BAIAP2L1: variants seen among roughly 807,000 people sequenced by gnomAD.
BAIAP2L1 encodes the protein BAR/IMD domain containing adaptor protein 2 like 1, also known as BAR/IMD domain-containing adapter protein 2-like 1.
Under a neutral mutation model 66.3 loss-of-function variants are expected in BAIAP2L1, and 35 were observed. That is an observed-to-expected ratio of 0.53 (90% CI 0.40 to 0.70). The LOEUF is 0.70. Ranked by LOEUF, BAIAP2L1 falls within the 30% of genes least tolerant of loss-of-function variation. The probability of loss-of-function intolerance (pLI) is 0.00; values close to 1 mark genes in which losing one functional copy is unlikely to be tolerated. For synonymous variants in BAIAP2L1, 269 were observed against 248.7 expected (o/e 1.08, Z -0.77); for missense variants, 622 against 656.9 (o/e 0.95, Z 0.58).
rs370196740 is a variant in BAIAP2L1 at position 98,343,354 on chromosome 7, C to T, written c.214+11688G>A. ...TAGTCCCAGCTACTTGGGAGGCTGA[C>T]GTGGGAGAATTGCTTGAGCCCAGGA... On this transcript the variant is annotated intron_variant, in intron 3 of 13. Transcript: ENST00000005260. Among the ~76,000 whole-genome samples the T allele has an allele frequency of 5.2e-4, 79 of 151,576 alleles. No individual in the cohort carries two copies. The South Asian group carries it at 0.015, about 30-fold the overall frequency.
At position 98,380,625 on chromosome 7, in the gene BAIAP2L1, G is replaced by A. The variant is rs369915340; in HGVS notation, c.52-18193C>T. On this transcript the variant is annotated intron_variant, in intron 1 of 13. Coordinates refer to ENST00000005260, the MANE Select transcript of BAIAP2L1 (RefSeq NM_018842.5). ...AATGAGATTCGGGTGGGGACACAGA[G>A]CCAAACCATATCACCCAGGCTGGTT... is the stretch of plus-strand genomic sequence containing the variant. Among the ~76,000 whole-genome samples, 198 of 151,070 alleles carry A rather than the reference G, an allele frequency of 1.3e-3. 1 individual carries two copies. The highest frequency in any genetic ancestry group is 4.4e-3 in the African/African-American group (180 of 41,140).
rs1034055975 is a variant in BAIAP2L1 at position 98,369,668 on chromosome 7, T to C, written c.52-7236A>G. The stretch of plus-strand genomic sequence containing the variant: ...AAGTCTCATTTGATTTCCTAATTTT[T>C]TTTTTTTTTTTTTTTTTTTTTGAGC... On this transcript the variant is annotated intron_variant, in intron 1 of 13. Coordinates refer to ENST00000005260, the MANE Select transcript of BAIAP2L1 (RefSeq NM_018842.5). Among the ~76,000 whole-genome samples the C allele has an allele frequency of 9.6e-3, 1,231 of 128,842 alleles. 57 individuals are homozygous for C. The highest frequency in any genetic ancestry group is 0.03 in the African/African-American group (1,083 of 35,756). 84.5% of individuals were successfully genotyped at this position (128,842 alleles called of 152,430 possible). A position where few individuals can be genotyped will look rare whatever the true frequency, so the allele number is the denominator to read the frequency against.
chr7:98,325,854 T>G (rs1801370025), intron 3 of BAIAP2L1, among the ~76,000 whole-genome samples: 1 of 152,030 alleles, frequency 6.6e-6, no homozygotes, highest in Non-Finnish European at 1.5e-5. Context: ...AAGATTAGAG[T>G]CACCACACTG....
rs747137198 is a variant in BAIAP2L1, at chr7:98,304,221, G to A, written c.1397C>T (p.Ala466Val). 12 of 1,608,646 alleles carry A rather than the reference G, an allele frequency of 7.5e-6. No individual in the cohort carries two copies. Among genetic ancestry groups the A allele is most frequent in the Non-Finnish European group, 9.3e-6 (11 of 1,177,242 alleles). Residue 466 changes from alanine to valine, a missense_variant, in exon 12 of 14, where the codon GCG becomes GTG. Coordinates refer to ENST00000005260, the MANE Select transcript of BAIAP2L1 (RefSeq NM_018842.5). ...ARTTSTFKAP[A>V]SKPETAAPND... The stretch of plus-strand genomic sequence containing the variant: ...AGGAGCCGCGGTCTCGGGCTTGGAC[G>A]CTGGGGCCTTAAAGGTGGATGTCGT...
chr7:98,396,671 C>T (rs1803216211), intron 1 of BAIAP2L1, among the ~76,000 whole-genome samples: 1 of 152,042 alleles, frequency 6.6e-6, no homozygotes, highest in Non-Finnish European at 1.5e-5. Flanking sequence ...GGCTGTAGTC[C>T]CAGCTACTCG....
intron 5 of BAIAP2L1, among the ~76,000 whole-genome samples, chr7:98,318,979 T>G (rs563957170): frequency 6.6e-6 from 1 of 151,940 alleles, no homozygotes; most frequent in Non-Finnish European, 1.5e-5. Flanking sequence ...TGTCTATGTT[T>G]TGGAGTTTCT....
intron 9 of BAIAP2L1, chr7:98,309,714 C>T (rs1261094340): frequency 6.6e-6 from 1 of 152,340 alleles, no homozygotes; most frequent in Non-Finnish European, 1.5e-5. Flanking sequence ...CTGCCGCAAC[C>T]TTCACACCAT....
intron 8 of BAIAP2L1, among the ~76,000 whole-genome samples, chr7:98,311,782 A>T (rs1280509546): frequency 1.3e-5 from 2 of 151,904 alleles, no homozygotes; most frequent in Admixed American, 6.6e-5. Context: ...GGTGCGCCCC[A>T]GTAATCCCAG....
intron 1 of BAIAP2L1, among the ~76,000 whole-genome samples, chr7:98,396,880 A>G (rs937514949): frequency 2.6e-5 from 4 of 152,240 alleles, no homozygotes; most frequent in Admixed American, 2.6e-4. Flanking sequence ...TATGAAAAGT[A>G]TCATCGGAGG....
At chr7:98,334,238 G>A (rs1801563118) in intron 3 of BAIAP2L1, among the ~76,000 whole-genome samples, 1 of 152,142 alleles carries the variant, frequency 6.6e-6, no homozygotes, top group African/African-American at 2.4e-5. Context: ...TAACAGCCCT[G>A]CCTTCGAGTT....
chr7:98,396,450 G>A (rs909738039), intron 1 of BAIAP2L1, among the ~76,000 whole-genome samples: 16 of 152,174 alleles, frequency 1.1e-4, no homozygotes, highest in African/African-American at 3.9e-4. Flanking sequence ...TGACACCTTA[G>A]ATCGCCACAT....
chr7:98,321,770 G>T (rs1050985107), intron 3 of BAIAP2L1, among the ~76,000 whole-genome samples: 1 of 152,072 alleles, frequency 6.6e-6, no homozygotes, highest in Admixed American at 6.6e-5. Flanking sequence ...AAGATGTGCC[G>T]GCGGACCATC....
intron 1 of BAIAP2L1, among the ~76,000 whole-genome samples, chr7:98,366,923 G>A (rs1221614839): frequency 6.6e-6 from 1 of 151,914 alleles, no homozygotes; most frequent in African/African-American, 2.4e-5. Flanking sequence ...ACAGGGTTTT[G>A]ATCTGTCACA....
In BAIAP2L1 at chr7:98,292,824, G is replaced by A; in HGVS notation, c.*697C>T. On this transcript the variant is annotated 3_prime_UTR_variant, in exon 14 of 14. Transcript: ENST00000005260. ...CAGGCCTGTGTCCTGGATGGGCCGT[G>A]TGCAGCGAATCCGTTGGCGACTCCT... 2.0e-6 allele frequency: 3 copies of A among 1,486,498 alleles called. No homozygotes were observed. Among genetic ancestry groups the A allele is most frequent in the South Asian group, 2.7e-5 (2 of 74,172 alleles). The allele number at this position is 1,486,498 out of a possible 1,614,324, so 92.1% of individuals were successfully genotyped here. A position where few individuals can be genotyped will look rare whatever the true frequency, so the allele number is the denominator to read the frequency against.
chr7:98,344,733 G>C (rs1584472549), intron 3 of BAIAP2L1, among the ~76,000 whole-genome samples: 1 of 152,310 alleles, frequency 6.6e-6, no homozygotes, highest in Admixed American at 6.5e-5. Flanking sequence ...TCAGGAGTTT[G>C]AGACCAGCCT....
chr7:98,384,156 G>GAAAAAA (rs76408692), intron 1 of BAIAP2L1, among the ~76,000 whole-genome samples: 1 of 112,412 alleles, frequency 8.9e-6, no homozygotes, highest in African/African-American at 3.9e-5. Context: ...CTCCGTCTCA[G>GAAAAAA]AAAAAAAAAA....
rs751452701 is a variant in BAIAP2L1 at position 98,292,792 on chromosome 7, C to T, written c.*729G>A. 8.0e-5 allele frequency: 123 copies of T among 1,541,060 alleles called. No homozygotes were observed. The highest frequency in any genetic ancestry group is 1.1e-4 in the Non-Finnish European group (120 of 1,140,882). On this transcript the variant is annotated 3_prime_UTR_variant, in exon 14 of 14. Transcript: ENST00000005260. The stretch of plus-strand genomic sequence containing the variant: ...GTGAGAACACAAGGAGCCGTGACTC[C>T]GACGCCCAGGCCTGTGTCCTGGATG...
chr7:98,342,032 T>G (rs1025470477), intron 3 of BAIAP2L1, among the ~76,000 whole-genome samples: 5 of 141,360 alleles, frequency 3.5e-5, no homozygotes, highest in African/African-American at 5.2e-5. Flanking sequence ...TTTCAGAAAT[T>G]TTTTTCTGAT....
At chr7:98,347,765 G>A (rs986042221) in intron 3 of BAIAP2L1, among the ~76,000 whole-genome samples, 3 of 151,256 alleles carry the variant, frequency 2.0e-5, no homozygotes, top group South Asian at 2.1e-4. Flanking sequence ...GCGACAGAGC[G>A]AAACAATGTC....
Sources: allele counts gnomAD v4.1 joint callset (sites outside exome capture counted in the v4.1 genomes callset), GRCh38; gene constraint gnomAD v4.1.1; transcripts MANE v1.5; gene names NCBI Gene and HGNC (gene_info 2026-07-23, HGNC 2026-07-21).